TREH: variants seen among roughly 807,000 people sequenced by gnomAD.
TREH encodes the protein trehalase.
TREH carries 69 observed loss-of-function variants against 80.5 expected under a neutral mutation model. The observed-to-expected ratio is 0.86, with a 90% confidence interval of 0.71 to 1.05. The LOEUF is 1.05. Ranked by LOEUF, TREH falls within the 50% of genes least tolerant of loss-of-function variation. The pLI is 0.00. For synonymous variants in TREH, 309 were observed against 293.5 expected, an observed-to-expected ratio of 1.05 and a Z score of -0.54; for missense variants, 716 against 718.8, an observed-to-expected ratio of 1.00 and a Z score of 0.04.
chr11:118,678,056 G>C (rs1162859287), intron 1 of TREH, among the ~76,000 whole-genome samples: 1 of 152,048 alleles, frequency 6.6e-6, no homozygotes, highest in African/African-American at 2.4e-5. Flanking sequence ...TGGAACCCAA[G>C]CCCAAACCTT....
rs181334055 is a variant in TREH, at chr11:118,661,999, G to A, written c.424-9C>T. 134 of 1,548,772 alleles carry A rather than the reference G, an allele frequency of 8.7e-5. 1 individual carries two copies. The Admixed American group carries it at 9.6e-4, about 11-fold the overall frequency. ...AGAACCTCTGGCTTCATCTGGAGTC[G>A]GGAGAGAGGGCAAGGGGAGCCTAGA... On this transcript the variant is annotated splice_polypyrimidine_tract_variant and intron_variant, in intron 4 of 14. Transcript: ENST00000264029. This position sits in a 1 kb window ranked among gnomAD's most constrained non-coding sequence, Gnocchi z 4.2.
intron 1 of TREH, among the ~76,000 whole-genome samples, chr11:118,675,902 C>A (rs2137288886): frequency 6.6e-6 from 1 of 152,268 alleles, no homozygotes; most frequent in Admixed American, 6.5e-5. Context: ...AGGGTTTCAC[C>A]ATGTTGGCCA....
intron 1 of TREH, among the ~76,000 whole-genome samples, chr11:118,663,977 A>G (rs1272674637): frequency 6.6e-6 from 1 of 152,202 alleles, no homozygotes; most frequent in Non-Finnish European, 1.5e-5. Flanking sequence ...TGAAATACCC[A>G]TAATGTCTTG....
In TREH at chr11:118,662,933, A is replaced by G; in HGVS notation, c.371T>C (p.Leu124Pro). 6.2e-7 allele frequency: 1 copy of G among 1,611,416 alleles called. No homozygotes were observed. The highest frequency in any genetic ancestry group is 8.5e-7 in the Non-Finnish European group (1 of 1,178,776). Residue 124 changes from leucine (L) to proline (P), a missense_variant, in exon 4 of 15, where the codon CTG becomes CCG. Transcript: ENST00000264029. ...ATGCAGCTGCCCTGCCCAGGCACGC[A>G]GTTTGGCATCTGAAATCTTCTGCAG... The part of the protein sequence containing the change: ...QFLQKISDAK[L>P]RAWAGQLHQL...
rs1403369627 is a variant in TREH at position 118,661,895 on chromosome 11, G to A, written c.519C>T (p.Tyr173=). ...IVPGGRFVEF[Y]YWDSYWVMEG... ...TCTTGGGCCTGGGCGCTCACCAGTA[G>A]TAGAACTCAACAAAGCGACCGCCAG... is the stretch of plus-strand genomic sequence containing the variant. Residue 173 remains tyrosine, a synonymous_variant, in exon 5 of 15, where the codon TAC becomes TAT. Transcript: ENST00000264029. This position sits in a 1 kb window ranked among gnomAD's most constrained non-coding sequence, Gnocchi z 4.2. 1.3e-6 allele frequency: 2 copies of A among 1,558,214 alleles called. No individual in the cohort carries two copies. The highest frequency in any genetic ancestry group is 1.7e-6 in the Non-Finnish European group (2 of 1,150,852).
intron 1 of TREH, among the ~76,000 whole-genome samples, chr11:118,665,936 T>A (rs1240652980): frequency 6.6e-6 from 1 of 151,876 alleles, no homozygotes; most frequent in Non-Finnish European, 1.5e-5. Context: ...GGTGGAAAAA[T>A]TTGGTAAAAA....
intron 1 of TREH, among the ~76,000 whole-genome samples, chr11:118,672,519 G>A (rs577266436): frequency 6.6e-6 from 1 of 152,128 alleles, no homozygotes; most frequent in African/African-American, 2.4e-5. Context: ...AGACCAGCCT[G>A]GCCAACATGG....
intron 1 of TREH, among the ~76,000 whole-genome samples, chr11:118,667,565 GGAACA>G (rs1481035472): frequency 6.6e-6 from 1 of 152,106 alleles, no homozygotes; most frequent in Non-Finnish European, 1.5e-5. Context: ...ATTCTCCTGG[GGAACA>G]GCCCCATACT....
chr11:118,678,114 A>G (rs1349196443), intron 1 of TREH, among the ~76,000 whole-genome samples: 6 of 152,010 alleles, frequency 3.9e-5, no homozygotes, highest in Non-Finnish European at 7.4e-5. Flanking sequence ...CTCTGCCCCA[A>G]TCACACAGGC....
chr11:118,678,607 T>G (rs201567312), intron 1 of TREH, among the ~76,000 whole-genome samples: 6 of 150,532 alleles, frequency 4.0e-5, no homozygotes, highest in East Asian at 2.0e-4. Context: ...AGATGATAGC[T>G]CCCACCTTGG....
chr11:118,660,954 C>T (rs782158422), intron 8 of TREH, 39 bp from the exon 9 acceptor site: 12 of 1,559,070 alleles, frequency 7.7e-6, no homozygotes, highest in Non-Finnish European at 1.0e-5. Context: ...GCACTAGTAG[C>T]TACTAAGCCC....
intron 1 of TREH, among the ~76,000 whole-genome samples, chr11:118,672,423 A>T (rs1454173317): frequency 6.6e-6 from 1 of 150,880 alleles, no homozygotes; most frequent in African/African-American, 2.4e-5. Flanking sequence ...AAAAAAGTTA[A>T]TGATCGCTGG....
chr11:118,659,673 C>T (rs1337940880), intron 11 of TREH, 74 bp downstream of exon 11: 36 of 1,518,970 alleles, frequency 2.4e-5, no homozygotes, highest in Non-Finnish European at 3.0e-5. Context: ...GCGCCCTCCC[C>T]TGCAGGTCCT....
At chr11:118,676,769 C>CAA (rs11381679) in intron 1 of TREH, among the ~76,000 whole-genome samples, 11,498 of 145,906 alleles carry the variant, frequency 0.079, 604 homozygotes, top group Non-Finnish European at 0.11. Context: ...ATTGCTGTCT[C>CAA]AAAAAAAAAA....
In TREH at chr11:118,679,581, A is replaced by C; in HGVS notation, c.47T>G (p.Leu16Arg). 6.4e-7 allele frequency: 1 copy of C among 1,553,212 alleles called. No homozygotes were observed. Among genetic ancestry groups the C allele is most frequent in the Non-Finnish European group, 8.7e-7 (1 of 1,146,318 alleles). The change falls in exon 1 of 15, where the codon CTG becomes CGG. Residue 16 changes from leucine (L) to arginine (R), a missense_variant. By Grantham distance (102) the Leu-to-Arg change is moderately radical (BLOSUM62 -2). Transcript: ENST00000264029. ...TAGGGCCTCCTGGGACCCCAGTCCC[A>C]GCCCCAGCAGCAGTAGCAGGCACAG... ...WELCLLLLLG[L>R]GLGSQEALPP...
In TREH at chr11:118,676,214, C is replaced by T. The variant is rs149721362; in HGVS notation, c.89+3325G>A. Among the ~76,000 whole-genome samples, 525 of 152,322 alleles carry T rather than the reference C, an allele frequency of 3.4e-3. 3 individuals are homozygous for T. The highest frequency in any genetic ancestry group is 0.012 in the African/African-American group (495 of 41,564). On this transcript the variant is annotated intron_variant, in intron 1 of 14. Coordinates refer to ENST00000264029, the MANE Select transcript of TREH (RefSeq NM_007180.3). ...GGCACGGCCTGCCTTCATGTGGAGT[C>T]GTCTTGTTAGCAGAAGCTGTCTAGG... is the stretch of plus-strand genomic sequence containing the variant.
chr11:118,667,039 C>T lies in TREH; in HGVS notation c.90-3600G>A, dbSNP rs559435244. Among the ~76,000 whole-genome samples, 280 of 151,772 alleles carry T rather than the reference C, an allele frequency of 1.8e-3. 2 individuals are homozygous for T. Among genetic ancestry groups the T allele is most frequent in the Non-Finnish European group, 3.3e-3 (222 of 67,926 alleles). On this transcript the variant is annotated intron_variant, in intron 1 of 14. Transcript: ENST00000264029. ...CTGGGATTACGGGCATGTGCCACCA[C>T]GCCCGGCTAATTTTGTATTTTTAAT... is the stretch of plus-strand genomic sequence containing the variant.
At chr11:118,665,030 A>G (rs182148606) in intron 1 of TREH, among the ~76,000 whole-genome samples, 5 of 151,654 alleles carry the variant, frequency 3.3e-5, no homozygotes, top group Non-Finnish European at 7.4e-5. Context: ...AATCACTTGA[A>G]CCCAGGAGGT....
chr11:118,661,824 G>C lies in TREH; in HGVS notation c.524+66C>G. The C allele has an allele frequency of 6.3e-7, 1 of 1,587,108 alleles. No homozygotes were observed. Among genetic ancestry groups the C allele is most frequent in the East Asian group, 2.3e-5 (1 of 43,898 alleles). The stretch of plus-strand genomic sequence containing the variant: ...TCTGCCCTGCTGAAGACACCCTGCT[G>C]GCCCTGGGTTTCTCCACCACTGCCA... On this transcript the variant is annotated intron_variant, in intron 5 of 14. Coordinates refer to ENST00000264029, the MANE Select transcript of TREH (RefSeq NM_007180.3). The surrounding 1 kb of genome is among the most constrained non-coding windows in gnomAD (Gnocchi z 4.2).
Sources: allele counts gnomAD v4.1 joint callset (sites outside exome capture counted in the v4.1 genomes callset), GRCh38; gene constraint gnomAD v4.1.1; non-coding constraint Gnocchi (gnomAD v3.1); transcripts MANE v1.5; gene names NCBI Gene and HGNC (gene_info 2026-07-23, HGNC 2026-07-21).